HEMK2: variants seen among roughly 807,000 people sequenced by gnomAD.
The protein encoded by HEMK2 is HemK methyltransferase 2, ETF1 glutamine and histone H4 lysine.
At chr21:28,807,390 G>A in the HEMK2 span, among the ~76,000 whole-genome samples, 2 of 152,154 alleles carry the variant, frequency 1.3e-5, no homozygotes, top group East Asian at 1.9e-4. Context: ...TCAGTTTCCT[G>A]GGAGACACAT....
the HEMK2 span, among the ~76,000 whole-genome samples, chr21:28,648,925 T>C: frequency 1.5e-5 from 2 of 136,944 alleles, no homozygotes; most frequent in Non-Finnish European, 3.0e-5. Context: ...CCTAATGCTA[T>C]CCCTCCCCGC....
At chr21:28,825,530 C>T in the HEMK2 span, among the ~76,000 whole-genome samples, 6 of 152,094 alleles carry the variant, frequency 3.9e-5, no homozygotes, top group Non-Finnish European at 5.9e-5. Flanking sequence ...CATGGCAGGA[C>T]CAGGCTAAGA....
chr21:28,675,095 AACTTATGCTTACTGT>A, the HEMK2 span, among the ~76,000 whole-genome samples: 1 of 152,168 alleles, frequency 6.6e-6, no homozygotes, highest in African/African-American at 2.4e-5. Context: ...AATTATAGTA[AACTTATGCTTACTGT>A]GTGATTTTAG....
chr21:28,621,878 T>C, the HEMK2 span, among the ~76,000 whole-genome samples: 64 of 152,332 alleles, frequency 4.2e-4, no homozygotes, highest in Non-Finnish European at 6.6e-4. Flanking sequence ...TATGATGGCT[T>C]AGCTTGGGCT....
chr21:28,848,325 G>A, the HEMK2 span, among the ~76,000 whole-genome samples: 2 of 152,072 alleles, frequency 1.3e-5, no homozygotes, highest in East Asian at 3.9e-4. Context: ...TCTAACTGTA[G>A]AAAATTCTTA....
chr21:28,587,667 T>A, the HEMK2 span, among the ~76,000 whole-genome samples: 1 of 152,208 alleles, frequency 6.6e-6, no homozygotes. Flanking sequence ...TTTTCAACTA[T>A]CTACAAATGC....
the HEMK2 span, among the ~76,000 whole-genome samples, chr21:28,691,070 A>C: frequency 1.3e-5 from 2 of 152,184 alleles, no homozygotes; most frequent in Non-Finnish European, 2.9e-5. Context: ...GAGGCACAGA[A>C]GGTCTGATTT....
chr21:28,603,547 ATATG>A, the HEMK2 span, among the ~76,000 whole-genome samples: 1 of 80,770 alleles, frequency 1.2e-5, no homozygotes, highest in Non-Finnish European at 2.4e-5. Flanking sequence ...CTGAGGATAT[ATATG>A]TGTGTGTGTG....
At chr21:28,869,870 C>T in the HEMK2 span, among the ~76,000 whole-genome samples, 4 of 152,126 alleles carry the variant, frequency 2.6e-5, no homozygotes, top group African/African-American at 9.7e-5. Flanking sequence ...GATCGTGGCC[C>T]AGTTCACATG....
chr21:28,734,471 T>A, the HEMK2 span, among the ~76,000 whole-genome samples: 288 of 152,310 alleles, frequency 1.9e-3, 4 homozygotes, highest in African/African-American at 6.5e-3. Flanking sequence ...GGTGAGTTGG[T>A]AAAATAATTT....
chr21:28,850,247 C>T, the HEMK2 span, among the ~76,000 whole-genome samples: 30 of 107,448 alleles, frequency 2.8e-4, no homozygotes, highest in Admixed American at 1.4e-3. Context: ...TTTTTTGAGA[C>T]GGAGTCTCTC....
At chr21:28,876,648 T>C in the HEMK2 span, among the ~76,000 whole-genome samples, 1 of 152,224 alleles carries the variant, frequency 6.6e-6, no homozygotes, top group East Asian at 1.9e-4. Context: ...GAACTTGGTC[T>C]TCAGCTAAAT....
At chr21:28,736,374 AG>A in the HEMK2 span, among the ~76,000 whole-genome samples, 2 of 152,366 alleles carry the variant, frequency 1.3e-5, no homozygotes, top group Admixed American at 1.3e-4. Flanking sequence ...GCAATGGAAC[AG>A]CAAATCAGGA....
chr21:28,585,330 T>TAAAA, the HEMK2 span, among the ~76,000 whole-genome samples: 1 of 11,810 alleles, frequency 8.5e-5, no homozygotes, highest in Admixed American at 3.9e-4. Context: ...AGACTCTGTC[T>TAAAA]AAATAAATAA....
At chr21:28,844,952 ATTG>A in the HEMK2 span, among the ~76,000 whole-genome samples, 2 of 151,464 alleles carry the variant, frequency 1.3e-5, no homozygotes, top group African/African-American at 4.9e-5. Context: ...ATGTCTGTCT[ATTG>A]TTTTATTTAT....
chr21:28,763,887 G>C, the HEMK2 span, among the ~76,000 whole-genome samples: 1 of 151,480 alleles, frequency 6.6e-6, no homozygotes, highest in Non-Finnish European at 1.5e-5. Flanking sequence ...GGACCACATG[G>C]AGCAGACTAG....
the HEMK2 span, among the ~76,000 whole-genome samples, chr21:28,884,159 A>G: frequency 9.7e-3 from 1,485 of 152,322 alleles, 33 homozygotes; most frequent in Non-Finnish European, 8.6e-3. Context: ...AAATAACCCA[A>G]GACTTTATAA....
chr21:28,730,587 G>C, the HEMK2 span, among the ~76,000 whole-genome samples: 1 of 152,110 alleles, frequency 6.6e-6, no homozygotes, highest in Non-Finnish European at 1.5e-5. Flanking sequence ...GCAGGAATTA[G>C]TTCCTCACAG....
At chr21:28,858,090 C>T in the HEMK2 span, among the ~76,000 whole-genome samples, 3 of 152,198 alleles carry the variant, frequency 2.0e-5, no homozygotes, top group East Asian at 5.8e-4. Flanking sequence ...CCACATGCTC[C>T]TTTCTTTTTA....
Sources: allele counts gnomAD v4.1 joint callset (sites outside exome capture counted in the v4.1 genomes callset), GRCh38; gene constraint gnomAD v4.1.1; transcripts MANE v1.5; gene names NCBI Gene and HGNC (gene_info 2026-07-23, HGNC 2026-07-21).